Variants in MAST4 observed in about 807,000 individuals in gnomAD.
The protein encoded by MAST4 is microtubule-associated serine/threonine-protein kinase 4.
In MAST4, 89 loss-of-function variants were observed where a neutral mutation model predicts 162.7. The ratio of observed to expected loss-of-function variants is 0.55; its 90% CI spans 0.46 to 0.65. The LOEUF (loss-of-function observed/expected upper bound fraction) is 0.65, where lower values mean the gene tolerates loss of function less well. Ranked by LOEUF, MAST4 falls within the 30% of genes least tolerant of loss-of-function variation. The pLI is 0.00. For synonymous variants in MAST4, 1,479 were observed against 1,361.1 expected (o/e 1.09, Z -1.91); for missense variants, 3,153 against 3,374.0 (o/e 0.93, Z 1.62).
intron 24 of MAST4, among the ~76,000 whole-genome samples, chr5:67,150,282 T>C (rs896920189): frequency 6.6e-6 from 1 of 152,242 alleles, no homozygotes; most frequent in African/African-American, 2.4e-5. Context: ...CTGATGGTTG[T>C]GATATCACTC....
At chr5:66,752,675 G>T (rs1375554125) in intron 1 of MAST4, among the ~76,000 whole-genome samples, 57 of 148,580 alleles carry the variant, frequency 3.8e-4, no homozygotes, top group African/African-American at 1.3e-3. Context: ...AAGAGACTTA[G>T]ACTCCCACAC....
chr5:66,969,171 T>A (rs1747120018), intron 4 of MAST4, among the ~76,000 whole-genome samples: 1 of 152,194 alleles, frequency 6.6e-6, no homozygotes, highest in Admixed American at 6.5e-5. Context: ...GCAGCCACAT[T>A]CTGTCTGTGG....
chr5:66,874,612 C>G (rs1761169301), intron 3 of MAST4, among the ~76,000 whole-genome samples: 1 of 152,136 alleles, frequency 6.6e-6, no homozygotes, highest in Non-Finnish European at 1.5e-5. Flanking sequence ...AAAAACAAAC[C>G]AAACTACCCA....
At chr5:66,993,691 C>G (rs955575115) in intron 4 of MAST4, among the ~76,000 whole-genome samples, 1 of 152,052 alleles carries the variant, frequency 6.6e-6, no homozygotes, top group Admixed American at 6.6e-5. Context: ...GTCTGAGGAG[C>G]TTAAAGTAAT....
chr5:67,164,562 G>T lies in MAST4; in HGVS notation c.5383G>T (p.Val1795Phe), dbSNP rs17221458. Reference protein sequence around the residue: ...PSEYKLEGRSVSCLKPIEGTL... With the variant: ...PSEYKLEGRSFSCLKPIEGTL... Reference sequence around the variant, plus strand: ...CGAGTATAAGCTGGAAGGTAGGTCTGTCTCATGCCTGAAGCCGATCGAGGG... The same window carrying T: ...CGAGTATAAGCTGGAAGGTAGGTCTTTCTCATGCCTGAAGCCGATCGAGGG... Residue 1795 changes from valine (V) to phenylalanine (F), a missense_variant, in exon 29 of 29, where the codon GTC (valine) becomes TTC (phenylalanine). Physicochemically the swap from Val to Phe is conservative, Grantham distance 50 (BLOSUM62 -1). Around this residue, in one of 7 missense-constraint regions of MAST4, gnomAD observed 1,644 missense variants for 1,495.0 expected, o/e 1.10. Coordinates refer to ENST00000403625, the MANE Select transcript of MAST4 (RefSeq NM_001164664.2). The surrounding 1 kb of genome is among the most constrained non-coding windows in gnomAD (Gnocchi z 5.3). The T allele has an allele frequency of 1.2e-6, 2 of 1,613,982 alleles. No homozygotes were observed. Among genetic ancestry groups the T allele is most frequent in the Non-Finnish European group, 1.7e-6 (2 of 1,179,872 alleles).
intron 26 of MAST4, among the ~76,000 whole-genome samples, chr5:67,156,062 A>C (rs1243017412): frequency 7.7e-6 from 1 of 129,340 alleles, no homozygotes; most frequent in Non-Finnish European, 1.6e-5. Flanking sequence ...CCGTCTCAAG[A>C]AAAAAAAAAA....
At chr5:67,033,403 CAAAA>C (rs5868473) in intron 4 of MAST4, among the ~76,000 whole-genome samples, 3 of 131,330 alleles carry the variant, frequency 2.3e-5, no homozygotes, top group African/African-American at 5.7e-5. Flanking sequence ...ACTATACAGG[CAAAA>C]AAAAAAGCAG....
chr5:66,617,302 T>C (rs936725854), intron 1 of MAST4, among the ~76,000 whole-genome samples: 2 of 152,230 alleles, frequency 1.3e-5, no homozygotes, highest in African/African-American at 4.8e-5. Context: ...ACAGTTGCTT[T>C]ATGTGCATTA....
rs116469661 is a variant in MAST4, at chr5:67,067,298, A to G, written c.763+12806A>G. ...AGCCCTCCCAGTTAGCAGCAATTCT[A>G]CTTTGGGCAGTTCACTCTCTGGGTC... On this transcript the variant is annotated intron_variant, in intron 5 of 28. Coordinates refer to ENST00000403625, the MANE Select transcript of MAST4 (RefSeq NM_001164664.2). Among the ~76,000 whole-genome samples, 1,154 of 152,316 alleles carry G rather than the reference A, an allele frequency of 7.6e-3. 17 individuals carry two copies. Among genetic ancestry groups the G allele is most frequent in the African/African-American group, 0.027 (1,102 of 41,550 alleles).
intron 24 of MAST4, among the ~76,000 whole-genome samples, chr5:67,151,395 C>T (rs1191137102): frequency 6.6e-6 from 1 of 152,172 alleles, no homozygotes; most frequent in Admixed American, 6.5e-5. Context: ...TGTATAAGGG[C>T]ACTAATTCAT....
chr5:66,970,865 T>C (rs1026411231), intron 4 of MAST4, among the ~76,000 whole-genome samples: 1 of 152,218 alleles, frequency 6.6e-6, no homozygotes, highest in African/African-American at 2.4e-5. Context: ...GATTTATCTA[T>C]GGAGCCCACA....
Position 67,104,595 on chromosome 5 carries a change from T to C in MAST4, c.1356+20T>C. On this transcript the variant is annotated intron_variant, in intron 10 of 28. Transcript: ENST00000403625. ...CAGGAGGTAAGAACCATGTACCATA[T>C]AGTTTTCTGATTTATTTTGCTTTTC... is the stretch of plus-strand genomic sequence containing the variant. 1 of 1,594,976 alleles carries C rather than the reference T, an allele frequency of 6.3e-7. No individual in the cohort carries two copies. The highest frequency in any genetic ancestry group is 8.6e-7 in the Non-Finnish European group (1 of 1,167,798).
chr5:66,977,170 G>A (rs1748249895), intron 4 of MAST4, among the ~76,000 whole-genome samples: 1 of 151,988 alleles, frequency 6.6e-6, no homozygotes, highest in Non-Finnish European at 1.5e-5. Context: ...GTGCGATCTC[G>A]GCTCACCGTA....
At chr5:67,162,817 G>T in intron 28 of MAST4, 29 bp downstream of exon 28, 1 of 1,594,922 alleles carries the variant, frequency 6.3e-7, no homozygotes, top group Non-Finnish European at 8.6e-7. Flanking sequence ...CTAAACAGCA[G>T]AGGGGAGGGG....
chr5:66,832,217 T>C (rs1757654096), intron 3 of MAST4, among the ~76,000 whole-genome samples: 1 of 152,004 alleles, frequency 6.6e-6, no homozygotes, highest in Admixed American at 6.6e-5. Context: ...GCCCCCCAAT[T>C]AAATATTACC....
In MAST4 at chr5:67,054,470, C is replaced by T. The variant is rs2150559732; in HGVS notation, c.741C>T (p.His247=). The change falls in exon 5 of 29, where the codon CAC becomes CAT. Residue 247 remains histidine (H), a synonymous_variant. Transcript: ENST00000403625. ...NGQSPALPRP[H]SPLSAHAGNS... The stretch of plus-strand genomic sequence containing the variant: ...AGTCACCAGCATTGCCTCGACCACA[C>T]TCACCTCTCTCTGCTCATGCAGGTA... The T allele has an allele frequency of 1.2e-6, 2 of 1,610,796 alleles. No individual in the cohort carries two copies. The highest frequency in any genetic ancestry group is 1.7e-6 in the Non-Finnish European group (2 of 1,178,590).
chr5:67,101,869 T>A (rs1251792077), intron 8 of MAST4, among the ~76,000 whole-genome samples: 1 of 151,844 alleles, frequency 6.6e-6, no homozygotes, highest in Non-Finnish European at 1.5e-5. Flanking sequence ...CTGTATCCAC[T>A]TAGGAATATA....
Position 67,086,034 on chromosome 5 carries a change from A to G in MAST4, c.764-4128A>G, listed in dbSNP as rs1763195233. Reference sequence around the variant, plus strand: ...GGTTTTTAAGCAGTGTCCATTTGCCAGGAATCTCCAACAAAGCAGTAAGAA... The same window carrying G: ...GGTTTTTAAGCAGTGTCCATTTGCCGGGAATCTCCAACAAAGCAGTAAGAA... On this transcript the variant is annotated intron_variant, in intron 5 of 28. Transcript: ENST00000403625. 2.0e-5 allele frequency among the ~76,000 whole-genome samples: 3 copies of G among 152,214 alleles called. No homozygotes were observed. The South Asian group carries it at 6.2e-4, about 32-fold the overall frequency.
At chr5:66,891,501 C>T (rs967684688) in intron 3 of MAST4, among the ~76,000 whole-genome samples, 1 of 152,152 alleles carries the variant, frequency 6.6e-6, no homozygotes, top group African/African-American at 2.4e-5. Flanking sequence ...TCTTATTCCC[C>T]TCTTTAAAAT....
Sources: gnomAD v4.1 joint callset for allele counts (sites outside exome capture counted in the v4.1 genomes callset) on GRCh38, gnomAD v4.1.1 for gene constraint, gnomAD v4.1.1 regional missense constraint, Gnocchi (gnomAD v3.1) non-coding constraint, MANE v1.5 for transcripts, NCBI Gene and HGNC (gene_info 2026-07-23, HGNC 2026-07-21) for gene names.